SNTG1: variants seen among roughly 807,000 people sequenced by gnomAD.
The protein encoded by SNTG1 is gamma-1-syntrophin.
A neutral mutation model predicts 74.7 loss-of-function variants in SNTG1; 39 were observed. The observed-to-expected ratio is 0.52, with a 90% CI of 0.40 to 0.68. SNTG1 has a LOEUF of 0.68. Among genes scored for constraint, SNTG1 ranks in the 30% least tolerant of loss-of-function variants. The pLI is 0.00. For synonymous variants in SNTG1, 254 were observed against 217.1 expected (o/e 1.17, Z -1.49); for missense variants, 685 against 609.5 (o/e 1.12, Z -1.30).
chr8:50,412,908 G>A (rs1415317217), intron 4 of SNTG1, among the ~76,000 whole-genome samples: 1 of 152,170 alleles, frequency 6.6e-6, no homozygotes, highest in African/African-American at 2.4e-5. Context: ...CATCAATAAA[G>A]GGAGCAATTT....
In SNTG1 at chr8:50,368,942, C is replaced by T. The variant is rs146966025; in HGVS notation, c.-27-25270C>T. Among the ~76,000 whole-genome samples, 5 of 152,238 alleles carry T rather than the reference C, an allele frequency of 3.3e-5. No individual in the cohort carries two copies. In the East Asian group the frequency reaches 9.7e-4, roughly 29 times the overall value. On this transcript the variant is annotated intron_variant, in intron 2 of 18. Transcript: ENST00000642720. Reference sequence around the variant, plus strand: ...ACATAACTTGTCCGTTTCACAGGCTCAGCGCTGGAGGGGAATTTTGGCTCA... The same window carrying T: ...ACATAACTTGTCCGTTTCACAGGCTTAGCGCTGGAGGGGAATTTTGGCTCA...
At chr8:50,472,814 T>TAAC (rs200850363) in intron 8 of SNTG1, among the ~76,000 whole-genome samples, 53 of 151,908 alleles carry the variant, frequency 3.5e-4, no homozygotes, top group Middle Eastern at 3.4e-3. Context: ...GAACTACATT[T>TAAC]AACAACAACA....
At chr8:50,060,802 T>G (rs1344289133) in intron 1 of SNTG1, among the ~76,000 whole-genome samples, 1 of 152,186 alleles carries the variant, frequency 6.6e-6, no homozygotes, top group Admixed American at 6.6e-5. Flanking sequence ...ATGCTTTTTT[T>G]ATGTCAGTTT....
chr8:49,963,480 T>G (rs540066247), intron 1 of SNTG1, among the ~76,000 whole-genome samples: 1 of 152,350 alleles, frequency 6.6e-6, no homozygotes, highest in East Asian at 1.9e-4. Context: ...TGGTTTATAT[T>G]ACTATTCCAA....
rs182196625 is a variant in SNTG1, at chr8:50,581,068, T to A, written c.811-9811T>A. Among the ~76,000 whole-genome samples, 177 of 152,382 alleles carry A rather than the reference T, an allele frequency of 1.2e-3. 1 individual carries two copies. The highest frequency in any genetic ancestry group is 4.0e-3 in the African/African-American group (167 of 41,596). On this transcript the variant is annotated intron_variant, in intron 12 of 18. Coordinates refer to ENST00000642720, the MANE Select transcript of SNTG1 (RefSeq NM_018967.5). ...AATGGCCATTTCAAATTTACATTTT[T>A]AAAATGCTCCTGTAGAAACAATAGG...
At chr8:50,233,674 C>T (rs953295764) in intron 2 of SNTG1, among the ~76,000 whole-genome samples, 2 of 151,016 alleles carry the variant, frequency 1.3e-5, no homozygotes, top group African/African-American at 4.9e-5. Context: ...GAGCCCATAT[C>T]TAGAATTTAT....
intron 2 of SNTG1, among the ~76,000 whole-genome samples, chr8:50,330,830 G>A (rs188614780): frequency 3.9e-5 from 6 of 152,132 alleles, no homozygotes; most frequent in Admixed American, 2.0e-4. Flanking sequence ...AAAACCATTC[G>A]ATCTTGTAAG....
At chr8:50,543,955 T>C (rs1040858780) in intron 11 of SNTG1, among the ~76,000 whole-genome samples, 5 of 152,114 alleles carry the variant, frequency 3.3e-5, no homozygotes, top group Non-Finnish European at 5.9e-5. Flanking sequence ...ATGTACTTAT[T>C]TGCCATCAGT....
rs567229028 is a variant in SNTG1, at chr8:50,555,884, A to G, written c.810+2705A>G. 5.9e-5 allele frequency among the ~76,000 whole-genome samples: 9 copies of G among 152,286 alleles called. No individual in the cohort carries two copies. The South Asian group carries it at 1.9e-3, about 32-fold the overall frequency. On this transcript the variant is annotated intron_variant, in intron 12 of 18. Coordinates refer to ENST00000642720, the MANE Select transcript of SNTG1 (RefSeq NM_018967.5). ...TATTGTAAAGCTAGTTGGAGAACAGACAGGGGAAGGATAAAAGCAAAAACA... is the reference window on the plus strand; with the variant it reads ...TATTGTAAAGCTAGTTGGAGAACAGGCAGGGGAAGGATAAAAGCAAAAACA...
intron 15 of SNTG1, among the ~76,000 whole-genome samples, chr8:50,663,514 T>A (rs1215798230): frequency 6.6e-6 from 1 of 152,100 alleles, no homozygotes; most frequent in Non-Finnish European, 1.5e-5. Flanking sequence ...GCCCTCACAG[T>A]AGCTACTCAC....
chr8:50,689,449 T>C (rs1457959358), intron 15 of SNTG1, among the ~76,000 whole-genome samples: 2 of 152,178 alleles, frequency 1.3e-5, no homozygotes, highest in Non-Finnish European at 2.9e-5. Context: ...TGAGAGTTTT[T>C]AGCATGAAGC....
At chr8:49,913,387 C>T (rs1018030246) in intron 1 of SNTG1, among the ~76,000 whole-genome samples, 1 of 152,202 alleles carries the variant, frequency 6.6e-6, no homozygotes, top group African/African-American at 2.4e-5. Context: ...CTATACGTAC[C>T]TTCCTTCTCA....
chr8:50,102,471 A>G (rs1245434703), intron 1 of SNTG1, among the ~76,000 whole-genome samples: 25 of 145,188 alleles, frequency 1.7e-4, no homozygotes, highest in East Asian at 8.1e-4. Context: ...CCTTTGTCAG[A>G]TGAGTAGGTT....
chr8:50,214,894 C>A (rs1157608576), intron 2 of SNTG1, among the ~76,000 whole-genome samples: 1 of 152,142 alleles, frequency 6.6e-6, no homozygotes, highest in East Asian at 1.9e-4. Context: ...ATGCTAGAAG[C>A]AAGGGGAAAC....
rs2090683488 is a variant in SNTG1, at chr8:50,324,970, TAG to T, written c.-27-69240_-27-69239del. 3.3e-5 allele frequency among the ~76,000 whole-genome samples: 4 copies of T among 121,158 alleles called. No homozygotes were observed. The South Asian group carries it at 8.1e-4, about 24-fold the overall frequency. The allele number at this position is 121,158 out of a possible 152,430, so 79.5% of individuals were successfully genotyped here. A position where few individuals can be genotyped will look rare whatever the true frequency, so the allele number is the denominator to read the frequency against. On this transcript the variant is annotated intron_variant, in intron 2 of 18. Transcript: ENST00000642720. ...ATATATATATATATATATATATATA[TAG>T]ACAGAGAGAGAGAGAATACTGTGTG...
chr8:49,925,513 T>C (rs899264369), intron 1 of SNTG1, among the ~76,000 whole-genome samples: 45 of 152,190 alleles, frequency 3.0e-4, no homozygotes, highest in African/African-American at 1.0e-3. Flanking sequence ...ATCCCATACA[T>C]AGATTTGTAT....
At chr8:50,778,534 A>G (rs2095648206) in intron 18 of SNTG1, among the ~76,000 whole-genome samples, 2 of 151,830 alleles carry the variant, frequency 1.3e-5, no homozygotes, top group Non-Finnish European at 2.9e-5. Context: ...TCCTTCACCC[A>G]CTTTTTGATG....
intron 1 of SNTG1, among the ~76,000 whole-genome samples, chr8:50,068,461 T>C (rs1441886554): frequency 6.6e-6 from 1 of 152,092 alleles, no homozygotes; most frequent in Non-Finnish European, 1.5e-5. Flanking sequence ...GCTGTCGTCT[T>C]TGTTTGAGTA....
At chr8:50,269,054 T>A (rs1018941333) in intron 2 of SNTG1, among the ~76,000 whole-genome samples, 1 of 152,134 alleles carries the variant, frequency 6.6e-6, no homozygotes, top group Non-Finnish European at 1.5e-5. Context: ...GTGGGCCAAG[T>A]AAAAGGGGCT....
Sources: gnomAD v4.1 joint callset for allele counts (sites outside exome capture counted in the v4.1 genomes callset) on GRCh38, gnomAD v4.1.1 for gene constraint, MANE v1.5 for transcripts, NCBI Gene and HGNC (gene_info 2026-07-23, HGNC 2026-07-21) for gene names.